SCN8A: variants seen among roughly 807,000 people sequenced by gnomAD.
The protein encoded by SCN8A is sodium channel protein type 8 subunit alpha.
In SCN8A, 30 loss-of-function variants were observed where a neutral mutation model predicts 184.1. The ratio of observed to expected loss-of-function variants is 0.16; its 90% CI spans 0.12 to 0.22. The LOEUF (loss-of-function observed/expected upper bound fraction) is 0.22, where lower values mean the gene tolerates loss of function less well. SCN8A is among the 10% of genes least tolerant of loss of function. The pLI is 1.00. For missense variants in SCN8A, 1,057 were observed against 2,498.9 expected, an observed-to-expected ratio of 0.42 and a Z score of 12.30; for synonymous variants, 852 against 907.0, an observed-to-expected ratio of 0.94 and a Z score of 1.09.
intron 2 of SCN8A, among the ~76,000 whole-genome samples, chr12:51,674,350 A>T (rs992430653): frequency 3.3e-5 from 5 of 150,586 alleles, no homozygotes; most frequent in Non-Finnish European, 7.4e-5. Flanking sequence ...TTTTTTTTTG[A>T]GAGAGAGAGT....
chr12:51,691,699 C>T (rs1241055904), intron 6 of SCN8A, among the ~76,000 whole-genome samples: 1 of 152,056 alleles, frequency 6.6e-6, no homozygotes, highest in African/African-American at 2.4e-5. Context: ...GATAGTAAAG[C>T]GAATAATAGA....
rs1260339392 is a variant in SCN8A, at chr12:51,810,941, T to C, written c.*3512T>C. ...AGCGACAGTGCCCAGAGTTCTTTTA[T>C]TTTTTGCTGCAACCAACGTAAACCT... On this transcript the variant is annotated 3_prime_UTR_variant, in exon 27 of 27. Coordinates refer to ENST00000627620, the MANE Select transcript of SCN8A (RefSeq NM_001330260.2). 2 of 152,224 alleles carry C rather than the reference T, an allele frequency of 1.3e-5. No individual in the cohort carries two copies. Among genetic ancestry groups the C allele is most frequent in the Non-Finnish European group, 2.9e-5 (2 of 68,058 alleles). The allele number at this position is 152,224 out of a possible 1,614,324, so 9.4% of individuals were successfully genotyped here.
intron 1 of SCN8A, among the ~76,000 whole-genome samples, chr12:51,593,708 C>A (rs931343220): frequency 2.6e-5 from 4 of 152,136 alleles, no homozygotes; most frequent in Non-Finnish European, 5.9e-5. Flanking sequence ...TTATTATCAG[C>A]AGGCTTTCTC....
chr12:51,672,425 T>C (rs1941149317), intron 2 of SCN8A, among the ~76,000 whole-genome samples: 1 of 152,188 alleles, frequency 6.6e-6, no homozygotes, highest in Admixed American at 6.5e-5. Context: ...ATCTCTTTAC[T>C]TCCTTGGCCT....
intron 4 of SCN8A, among the ~76,000 whole-genome samples, chr12:51,686,763 T>G (rs1285349557): frequency 6.6e-6 from 1 of 150,462 alleles, no homozygotes; most frequent in Non-Finnish European, 1.5e-5. Flanking sequence ...GGTTTCCCTG[T>G]TTTTTGACTT....
chr12:51,772,350 G>A (rs527523664), intron 19 of SCN8A, among the ~76,000 whole-genome samples: 1 of 150,592 alleles, frequency 6.6e-6, no homozygotes, highest in Admixed American at 6.6e-5. Flanking sequence ...TGCCGAGATT[G>A]CACCATTGCA....
intron 11 of SCN8A, chr12:51,712,379 G>A (rs1029716150): frequency 1.0e-5 from 7 of 683,604 alleles, no homozygotes; most frequent in Middle Eastern, 2.6e-4. Flanking sequence ...CATTTGGGAC[G>A]ACTGTCTCAA....
At chr12:51,698,082 G>T (rs564197278) in intron 6 of SCN8A, among the ~76,000 whole-genome samples, 1 of 152,170 alleles carries the variant, frequency 6.6e-6, no homozygotes, top group Admixed American at 6.5e-5. Context: ...TTGAACTCCC[G>T]ACCTCAGGTG....
chr12:51,721,791 G>T lies in SCN8A; in HGVS notation c.1881G>T (p.Ser627=), dbSNP rs763356823. Residue 627 remains serine, a synonymous_variant, in exon 12 of 27, where the codon TCG becomes TCT. Transcript: ENST00000627620. The stretch of plus-strand genomic sequence containing the variant: ...GCTACAGCCAGGGCAGCCGCTCCTC[G>T]CGCATCTTCCCCAGCCTGCGGCGCA... ...YSGYSQGSRS[S]RIFPSLRRSV... 1.9e-5 allele frequency: 30 copies of T among 1,610,290 alleles called. No individual in the cohort carries two copies. In the South Asian group the frequency reaches 3.3e-4, roughly 18 times the overall value.
At chr12:51,774,681 T>A (rs1937632507) in intron 20 of SCN8A, among the ~76,000 whole-genome samples, 1 of 152,122 alleles carries the variant, frequency 6.6e-6, no homozygotes, top group African/African-American at 2.4e-5. Flanking sequence ...ACAGGAAAGT[T>A]CTTGCCCCAG....
In SCN8A at chr12:51,617,539, A is replaced by G. The variant is rs78999113; in HGVS notation, c.-55+26180A>G. On this transcript the variant is annotated intron_variant, in intron 1 of 26. Transcript: ENST00000627620. ...ACTGTTTGCCTTTCCTTCTTTGAGC[A>G]TACTTAGAATAGCTGCATTAAAGCC... Among the ~76,000 whole-genome samples, 3,384 of 152,202 alleles carry G rather than the reference A, an allele frequency of 0.022. 196 individuals are homozygous for G. In the East Asian group the frequency reaches 0.25, roughly 11 times the overall value.
At position 51,598,886 on chromosome 12, in the gene SCN8A, A is replaced by G. The variant is rs1252118665; in HGVS notation, c.-55+7527A>G. Among the ~76,000 whole-genome samples the G allele has an allele frequency of 6.6e-5, 10 of 152,328 alleles. No individual in the cohort carries two copies. In the East Asian group the frequency reaches 1.9e-3, roughly 29 times the overall value. On this transcript the variant is annotated intron_variant, in intron 1 of 26. Coordinates refer to ENST00000627620, the MANE Select transcript of SCN8A (RefSeq NM_001330260.2). ...TTCTCATTCTAGATCATCTTAGATC[A>G]GTTAGTTACCCCTTTTCCTTAAGAA...
At chr12:51,779,006 A>C (rs1937805860) in intron 20 of SCN8A, among the ~76,000 whole-genome samples, 2 of 152,240 alleles carry the variant, frequency 1.3e-5, no homozygotes, top group African/African-American at 4.8e-5. Context: ...ACCTGAGGTC[A>C]GGAGTTTGAG....
intron 1 of SCN8A, among the ~76,000 whole-genome samples, chr12:51,629,088 G>A (rs1453787118): frequency 6.6e-6 from 1 of 152,210 alleles, no homozygotes; most frequent in Non-Finnish European, 1.5e-5. Context: ...TAGCAGTAGA[G>A]TAATTGATGG....
chr12:51,718,954 T>C (rs947975174), intron 11 of SCN8A, among the ~76,000 whole-genome samples: 1 of 151,726 alleles, frequency 6.6e-6, no homozygotes, highest in African/African-American at 2.4e-5. Context: ...TTCTTTGCTT[T>C]CAATAAAATT....
chr12:51,627,983 A>G (rs1253137005), intron 1 of SCN8A, among the ~76,000 whole-genome samples: 2 of 152,228 alleles, frequency 1.3e-5, no homozygotes, highest in African/African-American at 4.8e-5. Context: ...TTGGAGACTA[A>G]TGCTAAAGCA....
chr12:51,710,564 C>A (rs536602362), intron 11 of SCN8A, among the ~76,000 whole-genome samples: 1 of 152,208 alleles, frequency 6.6e-6, no homozygotes, highest in South Asian at 2.1e-4. Context: ...GAGTCTGAGG[C>A]GGGAAGATGG....
Position 51,745,928 on chromosome 12 carries a change from A to G in SCN8A, c.2024A>G (p.Lys675Arg), listed in dbSNP as rs780039059. 3.1e-6 allele frequency: 5 copies of G among 1,593,184 alleles called. No individual in the cohort carries two copies. The highest frequency in any genetic ancestry group is 4.3e-6 in the Non-Finnish European group (5 of 1,173,402). Residue 675 changes from lysine to arginine, a missense_variant, in exon 13 of 27, where the codon AAG (lysine) becomes AGG (arginine). By Grantham distance (26) the Lys-to-Arg change is conservative. Transcript: ENST00000627620. ...PEATTEVEIKKKGPGSLLVSM... is the reference protein window; with the variant it reads ...PEATTEVEIKRKGPGSLLVSM... ...GCTACAACTGAGGTGGAAATTAAGAAGAAAGGCCCTGGATCTCTTTTAGTT... is the reference window on the plus strand; with the variant it reads ...GCTACAACTGAGGTGGAAATTAAGAGGAAAGGCCCTGGATCTCTTTTAGTT...
At chr12:51,766,114 C>T in intron 16 of SCN8A, 87 bp downstream of exon 16, 3 of 972,674 alleles carry the variant, frequency 3.1e-6, no homozygotes, top group South Asian at 1.3e-5. Context: ...ACTGCTTAGT[C>T]CTTCTACTAC....
Sources: allele counts gnomAD v4.1 joint callset (sites outside exome capture counted in the v4.1 genomes callset), GRCh38; gene constraint gnomAD v4.1.1; transcripts MANE v1.5; gene names NCBI Gene and HGNC (gene_info 2026-07-23, HGNC 2026-07-21).